LRP1B: variants seen among roughly 807,000 people sequenced by gnomAD.
LRP1B encodes LDL receptor related protein 1B, also known as low-density lipoprotein receptor-related protein 1B.
In LRP1B, 217 loss-of-function variants were observed where a neutral mutation model predicts 556.6. The ratio of observed to expected loss-of-function variants is 0.39; its 90% CI spans 0.35 to 0.44. The LOEUF (loss-of-function observed/expected upper bound fraction) is 0.44, where lower values mean the gene tolerates loss of function less well. LRP1B is among the 20% of genes least tolerant of loss of function. The pLI, the probability that LRP1B is intolerant of heterozygous loss-of-function variation, is 1.00. For missense variants in LRP1B, 5,053 were observed against 5,620.8 expected (o/e 0.90, Z 3.23); for synonymous variants, 2,047 against 1,865.8 (o/e 1.10, Z -2.50).
In LRP1B at chr2:140,950,243, G is replaced by C. The variant is rs141827692; in HGVS notation, c.3128C>G (p.Thr1043Ser). The C allele has an allele frequency of 6.5e-3, 10,218 of 1,582,700 alleles. 39 individuals carry two copies. The highest frequency in any genetic ancestry group is 7.3e-3 in the Non-Finnish European group (8,503 of 1,169,884). Residue 1043 changes from threonine (T) to serine (S), a missense_variant, in exon 20 of 91, where the codon ACT becomes AGT. By Grantham distance (58) the Thr-to-Ser change is moderately conservative. Transcript: ENST00000389484. ...TTTATAAAATTACTAACCTTCTTTAGTACAATTGATCTGGGCTTCATCACT... is the reference window on the plus strand; with the variant it reads ...TTTATAAAATTACTAACCTTCTTTACTACAATTGATCTGGGCTTCATCACT... ...DFSDEAQINC[T>S]KEEIHSPAGC...
intron 16 of LRP1B, among the ~76,000 whole-genome samples, chr2:140,991,248 A>G (rs2105355356): frequency 6.6e-6 from 1 of 152,268 alleles, no homozygotes; most frequent in Non-Finnish European, 1.5e-5. Context: ...GACTTTTGCA[A>G]TTTTCAACAA....
At chr2:141,677,634 C>T (rs965320174) in intron 2 of LRP1B, among the ~76,000 whole-genome samples, 2 of 152,106 alleles carry the variant, frequency 1.3e-5, no homozygotes, top group Admixed American at 1.3e-4. Context: ...GGATTACAGG[C>T]ATGCGCCACC....
chr2:141,943,301 G>A (rs1020691353), intron 1 of LRP1B, among the ~76,000 whole-genome samples: 21 of 151,996 alleles, frequency 1.4e-4, no homozygotes, highest in Non-Finnish European at 2.5e-4. Flanking sequence ...TATATATTCC[G>A]AAGTGTTATA....
intron 63 of LRP1B, among the ~76,000 whole-genome samples, chr2:140,447,609 G>T (rs1443006545): frequency 1.3e-5 from 2 of 152,082 alleles, no homozygotes; most frequent in East Asian, 3.8e-4. Flanking sequence ...TTAGCAAGAA[G>T]GCATCTGTAC....
chr2:140,485,243 G>T, intron 59 of LRP1B, 100 bp downstream of exon 59: 4 of 805,774 alleles, frequency 5.0e-6, no homozygotes, highest in African/African-American at 1.8e-5. Flanking sequence ...ACACTTACAC[G>T]TTACATTGGA....
chr2:140,533,422 G>C (rs1690808542), intron 47 of LRP1B, among the ~76,000 whole-genome samples: 1 of 152,078 alleles, frequency 6.6e-6, no homozygotes. Context: ...AGGTAGTTTG[G>C]CTTCATCATC....
At chr2:140,311,569 G>A (rs965568634) in intron 83 of LRP1B, among the ~76,000 whole-genome samples, 6 of 151,698 alleles carry the variant, frequency 4.0e-5, no homozygotes, top group African/African-American at 1.5e-4. Context: ...TGGGTAAAAT[G>A]TACACTATTC....
At chr2:141,603,065 A>T (rs1687805835) in intron 2 of LRP1B, among the ~76,000 whole-genome samples, 1 of 152,214 alleles carries the variant, frequency 6.6e-6, no homozygotes. Context: ...ACACAAAATA[A>T]ACTAGATTGA....
intron 90 of LRP1B, among the ~76,000 whole-genome samples, chr2:140,234,080 G>A (rs1680586995): frequency 6.6e-6 from 1 of 151,032 alleles, no homozygotes; most frequent in Non-Finnish European, 1.5e-5. Context: ...TTTTTGTTTC[G>A]TCTTTCCAAA....
chr2:141,736,425 C>T (rs1209226362), intron 2 of LRP1B, among the ~76,000 whole-genome samples: 1 of 151,958 alleles, frequency 6.6e-6, no homozygotes, highest in East Asian at 1.9e-4. Flanking sequence ...TGACCAGTGC[C>T]CTTATAAGAA....
At chr2:142,080,871 T>G (rs954693522) in intron 1 of LRP1B, among the ~76,000 whole-genome samples, 38 of 152,172 alleles carry the variant, frequency 2.5e-4, no homozygotes, top group African/African-American at 9.2e-4. Context: ...CTTAAAATTT[T>G]ATCATTTTTG....
intron 37 of LRP1B, among the ~76,000 whole-genome samples, chr2:140,714,617 A>G (rs1687147076): frequency 6.6e-6 from 1 of 152,194 alleles, no homozygotes; most frequent in African/African-American, 2.4e-5. Context: ...TAAATTCTTT[A>G]TTAGAAACAA....
chr2:141,987,273 G>T (rs80020154), intron 1 of LRP1B, among the ~76,000 whole-genome samples: 2,253 of 152,010 alleles, frequency 0.015, 52 homozygotes, highest in African/African-American at 0.051. Context: ...TAATTGATAT[G>T]TATGTAATTA....
intron 2 of LRP1B, among the ~76,000 whole-genome samples, chr2:141,578,498 T>C (rs1686841760): frequency 6.6e-6 from 1 of 151,986 alleles, no homozygotes; most frequent in African/African-American, 2.4e-5. Flanking sequence ...AGATGAGAAG[T>C]GACTGTGTAT....
chr2:141,192,999 A>AT (rs1233285307), intron 6 of LRP1B, among the ~76,000 whole-genome samples: 1 of 151,960 alleles, frequency 6.6e-6, no homozygotes, highest in Non-Finnish European at 1.5e-5. Context: ...TGACACATCA[A>AT]TTTTTTTGTT....
At chr2:140,430,288 G>A (rs898074654) in intron 66 of LRP1B, among the ~76,000 whole-genome samples, 54 of 152,096 alleles carry the variant, frequency 3.6e-4, no homozygotes, top group African/African-American at 1.2e-3. Flanking sequence ...AAAGGACTAC[G>A]CGTCAATATT....
chr2:142,090,149 C>G (rs1447942389), intron 1 of LRP1B, among the ~76,000 whole-genome samples: 1 of 151,992 alleles, frequency 6.6e-6, no homozygotes, highest in African/African-American at 2.4e-5. Context: ...AAATATTAGT[C>G]TTTATAAGAA....
chr2:141,003,576 T>C (rs899774912), intron 15 of LRP1B, among the ~76,000 whole-genome samples: 1 of 152,010 alleles, frequency 6.6e-6, no homozygotes, highest in Non-Finnish European at 1.5e-5. Context: ...AACAGGGATT[T>C]CCCTGCACAA....
intron 3 of LRP1B, among the ~76,000 whole-genome samples, chr2:141,321,508 G>T (rs918161605): frequency 6.6e-6 from 1 of 151,970 alleles, no homozygotes; most frequent in African/African-American, 2.4e-5. Flanking sequence ...ATAGTTAATT[G>T]TTTCTCTTTG....
Sources: gnomAD v4.1 joint callset for allele counts (sites outside exome capture counted in the v4.1 genomes callset) on GRCh38, gnomAD v4.1.1 for gene constraint, MANE v1.5 for transcripts, NCBI Gene and HGNC (gene_info 2026-07-23, HGNC 2026-07-21) for gene names.